SNTG2: variants seen among roughly 807,000 people sequenced by gnomAD.
SNTG2 encodes the protein gamma-2-syntrophin.
SNTG2 carries 74 observed loss-of-function variants against 70.9 expected under a neutral mutation model. That is an observed-to-expected ratio of 1.04 (90% CI 0.86 to 1.27). The LOEUF (loss-of-function observed/expected upper bound fraction) is 1.27. SNTG2 is among the 50% of genes most tolerant of loss of function. The probability of loss-of-function intolerance (pLI) is 0.00; values close to 1 mark genes in which losing one functional copy is unlikely to be tolerated. For missense variants in SNTG2, 717 were observed against 690.7 expected, an observed-to-expected ratio of 1.04 and a Z score of -0.43; for synonymous variants, 278 against 273.8, an observed-to-expected ratio of 1.02 and a Z score of -0.15.
intron 8 of SNTG2, among the ~76,000 whole-genome samples, chr2:1,207,020 G>C (rs4247824): frequency 0.32 from 49,308 of 152,062 alleles, 8,539 homozygotes; most frequent in East Asian, 0.66. Flanking sequence ...CTATGGCACA[G>C]ATTTATTATT....
intron 2 of SNTG2, among the ~76,000 whole-genome samples, chr2:1,087,241 T>A (rs957225450): frequency 6.6e-6 from 1 of 152,226 alleles, no homozygotes; most frequent in Non-Finnish European, 1.5e-5. Flanking sequence ...CACCTGCTCT[T>A]GTCCTCATGG....
chr2:1,084,582 C>G (rs536469102), intron 2 of SNTG2, among the ~76,000 whole-genome samples: 2 of 152,214 alleles, frequency 1.3e-5, no homozygotes, highest in Non-Finnish European at 2.9e-5. Flanking sequence ...AACCACATCC[C>G]ACCACGTGCC....
chr2:1,144,866 C>T (rs7584548), intron 6 of SNTG2, among the ~76,000 whole-genome samples: 55,665 of 151,978 alleles, frequency 0.37, 11,037 homozygotes, highest in East Asian at 0.83. Flanking sequence ...ATATCAGATA[C>T]TGTACAGTGT....
In SNTG2 at chr2:1,111,288, A is replaced by G. The variant is rs897388620; in HGVS notation, c.325+12878A>G. Among the ~76,000 whole-genome samples, 8 of 152,356 alleles carry G rather than the reference A, an allele frequency of 5.3e-5. No individual in the cohort carries two copies. The East Asian group carries it at 1.2e-3, about 22-fold the overall frequency. On this transcript the variant is annotated intron_variant, in intron 4 of 16. Coordinates refer to ENST00000308624, the MANE Select transcript of SNTG2 (RefSeq NM_018968.4). ...TCACAAGAAACATCAGAAGCCCTGA[A>G]GTGTGCGTGCTGTGCACTGCAGGTC...
chr2:1,171,147 T>C (rs1671099995), intron 7 of SNTG2, among the ~76,000 whole-genome samples: 1 of 152,218 alleles, frequency 6.6e-6, no homozygotes, highest in African/African-American at 2.4e-5. Context: ...GATATTGGGT[T>C]TTAAAAAATA....
intron 4 of SNTG2, among the ~76,000 whole-genome samples, chr2:1,111,001 G>A (rs2148247475): frequency 6.6e-6 from 1 of 152,280 alleles, no homozygotes; most frequent in African/African-American, 2.4e-5. Flanking sequence ...TTTCCTAACT[G>A]TGCTTTCTGT....
chr2:1,004,317 G>A (rs1204231924), intron 1 of SNTG2, among the ~76,000 whole-genome samples: 1 of 152,122 alleles, frequency 6.6e-6, no homozygotes, highest in South Asian at 2.1e-4. Context: ...ATCCATGAAA[G>A]AAATAACTGC....
At chr2:1,294,784 A>C (rs561915578) in intron 14 of SNTG2, among the ~76,000 whole-genome samples, 1 of 152,268 alleles carries the variant, frequency 6.6e-6, no homozygotes, top group South Asian at 2.1e-4. Context: ...AGAAACACAA[A>C]CCTAAGTCCT....
chr2:1,170,040 G>A (rs1455466777), intron 7 of SNTG2, among the ~76,000 whole-genome samples: 1 of 152,158 alleles, frequency 6.6e-6, no homozygotes, highest in African/African-American at 2.4e-5. Context: ...TTCACTTTCT[G>A]ACTGCATGAA....
chr2:1,232,676 A>G (rs143850317), intron 9 of SNTG2, among the ~76,000 whole-genome samples: 42 of 152,334 alleles, frequency 2.8e-4, no homozygotes, highest in African/African-American at 9.9e-4. Context: ...TTTAATATGG[A>G]CTATTTAGAA....
intron 14 of SNTG2, among the ~76,000 whole-genome samples, chr2:1,300,291 C>A (rs1361570880): frequency 6.6e-6 from 1 of 152,212 alleles, no homozygotes; most frequent in African/African-American, 2.4e-5. Context: ...GTCGAAAATC[C>A]TTTCAAAGTC....
intron 4 of SNTG2, among the ~76,000 whole-genome samples, chr2:1,131,893 G>A (rs1247279095): frequency 5.9e-5 from 9 of 152,000 alleles, no homozygotes; most frequent in South Asian, 2.1e-4. Context: ...CTCGTGATCC[G>A]CCCGCCTCAG....
intron 14 of SNTG2, among the ~76,000 whole-genome samples, chr2:1,283,589 C>T (rs1679646205): frequency 1.3e-5 from 2 of 152,136 alleles, no homozygotes; most frequent in South Asian, 4.1e-4. Context: ...ACCCTGTCTG[C>T]CCCTGGGGCT....
rs1429700384 is a variant in SNTG2 at position 1,222,001 on chromosome 2, GTCTC to G, written c.719+12777_719+12780del. On this transcript the variant is annotated intron_variant, in intron 9 of 16. Transcript: ENST00000308624. ...TCTGTCTCTCTCTGTCTCTGTCTCTGTCTCTCTCTGTCTCTCTCTGTCTCTGCCT... is the reference window on the plus strand; with the variant it reads ...TCTGTCTCTCTCTGTCTCTGTCTCTGTCTCTGTCTCTCTCTGTCTCTGCCT... 3.3e-3 allele frequency among the ~76,000 whole-genome samples: 13 copies of G among 3,970 alleles called. 4 individuals are homozygous for G. The highest frequency in any genetic ancestry group is 0.01 in the Admixed American group (4 of 400). 2.6% of individuals were successfully genotyped at this position (3,970 alleles called of 152,430 possible). A position where few individuals can be genotyped will look rare whatever the true frequency, so the allele number is the denominator to read the frequency against.
At chr2:1,362,567 A>T in intron 16 of SNTG2, among the ~76,000 whole-genome samples, 1 of 149,938 alleles carries the variant, frequency 6.7e-6, no homozygotes, top group Non-Finnish European at 1.5e-5. Flanking sequence ...TAGAACTTCC[A>T]TGAAGGTCAC....
At chr2:1,259,344 C>T (rs2148164219) in intron 12 of SNTG2, 26 bp from the exon 13 acceptor site, 1 of 1,612,008 alleles carries the variant, frequency 6.2e-7, no homozygotes, top group Non-Finnish European at 8.5e-7. Flanking sequence ...TGCTGCTTTT[C>T]ATGGAACGTT....
intron 8 of SNTG2, among the ~76,000 whole-genome samples, chr2:1,200,355 T>TA (rs1673199368): frequency 6.6e-6 from 1 of 151,884 alleles, no homozygotes; most frequent in African/African-American, 2.4e-5. Flanking sequence ...CTCACCATAT[T>TA]AAAAAATCAA....
At chr2:957,237 G>A (rs74819814) in intron 1 of SNTG2, among the ~76,000 whole-genome samples, 15,428 of 150,790 alleles carry the variant, frequency 0.1, 1,030 homozygotes, top group Middle Eastern at 0.24. Flanking sequence ...TTCCTAAAAC[G>A]ATCATGGTCT....
At chr2:1,349,538 C>T (rs1347294571) in intron 16 of SNTG2, among the ~76,000 whole-genome samples, 1 of 152,200 alleles carries the variant, frequency 6.6e-6, no homozygotes, top group Admixed American at 6.5e-5. Flanking sequence ...CTGTTATCAT[C>T]CTTGCTTTAA....
Sources: gnomAD v4.1 joint callset for allele counts (sites outside exome capture counted in the v4.1 genomes callset) on GRCh38, gnomAD v4.1.1 for gene constraint, MANE v1.5 for transcripts, NCBI Gene and HGNC (gene_info 2026-07-23, HGNC 2026-07-21) for gene names.